Variants in CDH13 observed in about 807,000 individuals in gnomAD.
The protein encoded by CDH13 is cadherin-13.
A neutral mutation model predicts 63.8 loss-of-function variants in CDH13; 24 were observed. The observed-to-expected ratio is 0.38, with a 90% CI of 0.27 to 0.53. The LOEUF (loss-of-function observed/expected upper bound fraction) is 0.53. CDH13 is among the 20% of genes least tolerant of loss of function. CDH13 has a pLI of 0.85. For missense variants in CDH13, 1,049 were observed against 903.1 expected, an observed-to-expected ratio of 1.16 and a Z score of -2.07; for synonymous variants, 503 against 355.3, an observed-to-expected ratio of 1.42 and a Z score of -4.67.
At chr16:82,632,055 A>C (rs1908070407) in intron 1 of CDH13, among the ~76,000 whole-genome samples, 1 of 152,140 alleles carries the variant, frequency 6.6e-6, no homozygotes, top group South Asian at 2.1e-4. Context: ...GGTTTCTAGC[A>C]TTTCTGAAAA....
chr16:83,506,577 G>GC (rs1056282860), intron 7 of CDH13, among the ~76,000 whole-genome samples: 23 of 152,152 alleles, frequency 1.5e-4, no homozygotes, highest in Admixed American at 1.1e-3. Flanking sequence ...ATGGTAGCCA[G>GC]CCCCCAGGAG....
chr16:82,794,532 C>T (rs10514566), intron 1 of CDH13, among the ~76,000 whole-genome samples: 30,893 of 151,212 alleles, frequency 0.2, 3,380 homozygotes, highest in East Asian at 0.35. Flanking sequence ...CATAAAAGAG[C>T]GGTTTAATAG....
rs543817907 is a variant in CDH13, at chr16:83,289,289, G to A, written c.637-55573G>A. On this transcript the variant is annotated intron_variant, in intron 5 of 13. Coordinates refer to ENST00000567109, the MANE Select transcript of CDH13 (RefSeq NM_001257.5). ...AATTGTAACACCAGCTTCACTACCC[G>A]GTTATATTAATCTCATGTATTTTTG... is the stretch of plus-strand genomic sequence containing the variant. 7.2e-4 allele frequency among the ~76,000 whole-genome samples: 110 copies of A among 152,218 alleles called. No homozygotes were observed. In the South Asian group the frequency reaches 0.011, roughly 16 times the overall value.
At chr16:83,305,629 C>T (rs2089856782) in intron 5 of CDH13, among the ~76,000 whole-genome samples, 1 of 152,198 alleles carries the variant, frequency 6.6e-6, no homozygotes, top group Non-Finnish European at 1.5e-5. Context: ...CAGTGGAATA[C>T]AGGCGACATG....
intron 3 of CDH13, among the ~76,000 whole-genome samples, chr16:83,034,865 G>A (rs557020307): frequency 1.1e-4 from 17 of 152,246 alleles, no homozygotes; most frequent in African/African-American, 3.9e-4. Flanking sequence ...AAGCTCCCCT[G>A]AGTCCTGGCT....
chr16:83,487,001 G>A (rs1360669182), intron 7 of CDH13, among the ~76,000 whole-genome samples: 2 of 152,140 alleles, frequency 1.3e-5, no homozygotes, highest in Non-Finnish European at 2.9e-5. Flanking sequence ...GGGAAGGAGG[G>A]GAAGGGAGGA....
chr16:83,406,649 A>G (rs2092052345), intron 6 of CDH13, among the ~76,000 whole-genome samples: 1 of 152,100 alleles, frequency 6.6e-6, no homozygotes. Context: ...TATTTTTAGT[A>G]GAGATGGGGT....
chr16:83,648,721 C>G (rs1414306809), intron 8 of CDH13, among the ~76,000 whole-genome samples: 1 of 152,068 alleles, frequency 6.6e-6, no homozygotes, highest in Non-Finnish European at 1.5e-5. Flanking sequence ...GTGCAAAAAT[C>G]GAGTCAGTAT....
At chr16:83,565,201 G>T (rs1308475233) in intron 7 of CDH13, among the ~76,000 whole-genome samples, 1 of 151,926 alleles carries the variant, frequency 6.6e-6, no homozygotes, top group Non-Finnish European at 1.5e-5. Context: ...TCTCGCCCAA[G>T]GCTTACTTCT....
intron 2 of CDH13, among the ~76,000 whole-genome samples, chr16:83,015,677 G>GTGTA (rs1280924836): frequency 2.3e-3 from 86 of 37,564 alleles, no homozygotes; most frequent in African/African-American, 4.3e-3. Flanking sequence ...GTGTGTGTAT[G>GTGTA]TATATATATA....
chr16:83,535,533 C>G (rs1033721390), intron 7 of CDH13, among the ~76,000 whole-genome samples: 1 of 152,190 alleles, frequency 6.6e-6, no homozygotes, highest in Non-Finnish European at 1.5e-5. Context: ...GCATCTGTGA[C>G]TTACAGCTGA....
At chr16:83,732,488 G>A (rs6563974) in intron 10 of CDH13, among the ~76,000 whole-genome samples, 26,909 of 152,060 alleles carry the variant, frequency 0.18, 2,441 homozygotes, top group Middle Eastern at 0.22. Flanking sequence ...GGGACATGAC[G>A]TACATTTTTT....
chr16:83,584,989 C>G (rs1445601626), intron 7 of CDH13, among the ~76,000 whole-genome samples: 1 of 152,108 alleles, frequency 6.6e-6, no homozygotes, highest in African/African-American at 2.4e-5. Flanking sequence ...AAGCTCTGCC[C>G]CAAGATCCAA....
intron 4 of CDH13, among the ~76,000 whole-genome samples, chr16:83,127,594 T>C (rs570262540): frequency 3.3e-4 from 50 of 151,976 alleles, no homozygotes; most frequent in Non-Finnish European, 5.9e-4. Flanking sequence ...GCCAGTGTCA[T>C]GGCACGCCTG....
At position 83,651,680 on chromosome 16, in the gene CDH13, C is replaced by T. The variant is rs555373693; in HGVS notation, c.1102-19110C>T. Among the ~76,000 whole-genome samples the T allele has an allele frequency of 4.9e-5, 7 of 141,928 alleles. No homozygotes were observed. The South Asian group carries it at 1.7e-3, about 34-fold the overall frequency. The allele number at this position is 141,928 out of a possible 152,430, so 93.1% of individuals were successfully genotyped here. ...GCACAATCTTGGCTCACTACAACCT[C>T]TGCCTCCCAGGTTCAAGAAATTCTC... is the stretch of plus-strand genomic sequence containing the variant. On this transcript the variant is annotated intron_variant, in intron 8 of 13. Coordinates refer to ENST00000567109, the MANE Select transcript of CDH13 (RefSeq NM_001257.5).
intron 5 of CDH13, among the ~76,000 whole-genome samples, chr16:83,251,178 T>C (rs552935460): frequency 6.6e-6 from 1 of 152,246 alleles, no homozygotes; most frequent in African/African-American, 2.4e-5. Flanking sequence ...GATATTGCCA[T>C]TGGGGGAAAA....
intron 5 of CDH13, among the ~76,000 whole-genome samples, chr16:83,281,718 G>A (rs906092738): frequency 2.0e-5 from 3 of 151,424 alleles, no homozygotes; most frequent in Non-Finnish European, 4.4e-5. Flanking sequence ...AGACCAGCCT[G>A]GCCAACATAG....
chr16:83,492,851 C>T (rs2074045958), intron 7 of CDH13, among the ~76,000 whole-genome samples: 1 of 152,146 alleles, frequency 6.6e-6, no homozygotes, highest in African/African-American at 2.4e-5. Flanking sequence ...AGTCTCAGGA[C>T]TCCACTGGTA....
Position 83,047,572 on chromosome 16 carries a change from A to T in CDH13, c.366+15354A>T, listed in dbSNP as rs553604788. 6.6e-6 allele frequency among the ~76,000 whole-genome samples: 1 copy of T among 152,216 alleles called. No homozygotes were observed. Among genetic ancestry groups the T allele is most frequent in the Admixed American group, 6.5e-5 (1 of 15,286 alleles). On this transcript the variant is annotated intron_variant, in intron 3 of 13. Transcript: ENST00000567109. This position sits in a 1 kb window ranked among gnomAD's most constrained non-coding sequence, Gnocchi z 4.9. The stretch of plus-strand genomic sequence containing the variant: ...TGAATTTTTAAAATACAAACAGAAA[A>T]AAAGCTCCCTGTATTTTCCCAAATT...
Sources: gnomAD v4.1 joint callset for allele counts (sites outside exome capture counted in the v4.1 genomes callset) on GRCh38, gnomAD v4.1.1 for gene constraint, Gnocchi (gnomAD v3.1) non-coding constraint, MANE v1.5 for transcripts, NCBI Gene and HGNC (gene_info 2026-07-23, HGNC 2026-07-21) for gene names.